AAMDC: variants seen among roughly 807,000 people sequenced by gnomAD.
The protein encoded by AAMDC is adipogenesis associated Mth938 domain containing.
Under a neutral mutation model 15.5 loss-of-function variants are expected in AAMDC, and 16 were observed. The observed-to-expected ratio is 1.03, with a 90% CI of 0.70 to 1.57. The LOEUF is 1.57. AAMDC is among the 40% of genes most tolerant of loss of function. AAMDC has a pLI of 0.00. For synonymous variants in AAMDC, 51 were observed against 51.6 expected (o/e 0.99, Z 0.05); for missense variants, 141 against 144.9 (o/e 0.97, Z 0.14).
At chr11:77,849,193 T>C (rs1039690504) in intron 2 of AAMDC, among the ~76,000 whole-genome samples, 5 of 151,900 alleles carry the variant, frequency 3.3e-5, no homozygotes, top group Admixed American at 3.3e-4. Context: ...ATTGCCTCCA[T>C]ACCTGGCTAA....
At chr11:77,905,882 C>T (rs959569771) in intron 3 of AAMDC, among the ~76,000 whole-genome samples, 1 of 152,088 alleles carries the variant, frequency 6.6e-6, no homozygotes, top group Non-Finnish European at 1.5e-5. Flanking sequence ...ACTGTTAGAC[C>T]CACCCAACTG....
intron 2 of AAMDC, among the ~76,000 whole-genome samples, chr11:77,857,983 C>T (rs1355023009): frequency 6.6e-6 from 1 of 152,074 alleles, no homozygotes; most frequent in African/African-American, 2.4e-5. Flanking sequence ...CGTGAGCCAA[C>T]GTGCCCGGCC....
chr11:77,891,024 G>T (rs763434771), intron 5 of AAMDC, among the ~76,000 whole-genome samples: 1 of 152,144 alleles, frequency 6.6e-6, no homozygotes, highest in Non-Finnish European at 1.5e-5. Flanking sequence ...ATTAGAAAAG[G>T]TCTTATCATT....
rs1313977706 is a variant in AAMDC, at chr11:77,821,181, G to T, written c.-79G>T. ...CAGATCCCGAAGCAGCGCTGGGAGC[G>T]TAAGTGCGGGCAGAGCACTGCGCCG... is the stretch of plus-strand genomic sequence containing the variant. On this transcript the variant is annotated 5_prime_UTR_variant, in exon 1 of 4. Transcript: ENST00000393427. 2 of 359,400 alleles carry T rather than the reference G, an allele frequency of 5.6e-6. No homozygotes were observed. The highest frequency in any genetic ancestry group is 4.4e-5 in the East Asian group (1 of 22,618). 22.3% of individuals were successfully genotyped at this position (359,400 alleles called of 1,614,324 possible). A position where few individuals can be genotyped will look rare whatever the true frequency, so the allele number is the denominator to read the frequency against.
chr11:77,864,515 T>G (rs1034672318), intron 2 of AAMDC, among the ~76,000 whole-genome samples: 1 of 152,296 alleles, frequency 6.6e-6, no homozygotes, highest in South Asian at 2.1e-4. Context: ...GCCTTGCATT[T>G]AGGGTGTATA....
intron 3 of AAMDC, among the ~76,000 whole-genome samples, chr11:77,871,231 GTTCT>G (rs1951417882): frequency 6.6e-6 from 1 of 152,192 alleles, no homozygotes; most frequent in East Asian, 1.9e-4. Flanking sequence ...TTTCACTTGA[GTTCT>G]TTCTGAGGCA....
At chr11:77,889,313 G>A (rs1461766953) in intron 5 of AAMDC, among the ~76,000 whole-genome samples, 2 of 150,194 alleles carry the variant, frequency 1.3e-5, no homozygotes. Context: ...ACCAAACACC[G>A]CATGTTCTCA....
intron 5 of AAMDC, among the ~76,000 whole-genome samples, chr11:77,888,535 C>T (rs1019479835): frequency 9.8e-5 from 15 of 152,322 alleles, no homozygotes; most frequent in Middle Eastern, 3.4e-3. Flanking sequence ...ATGTCTAAAA[C>T]AGCAAAAGCA....
chr11:77,868,124 T>G (rs1951205297), intron 2 of AAMDC, among the ~76,000 whole-genome samples: 1 of 150,348 alleles, frequency 6.7e-6, no homozygotes, highest in South Asian at 2.1e-4. Flanking sequence ...GGCACAATCT[T>G]GGCTCACTGC....
rs370993429 is a variant in AAMDC at position 77,833,441 on chromosome 11, G to A, written c.-18-9038G>A. On this transcript the variant is annotated intron_variant, in intron 1 of 3. Transcript: ENST00000393427. ...ATGTGCAGTTCACAATAGGGTTCACGCATCTATGATCATCTAATGCTGCTG... is the reference window on the plus strand; with the variant it reads ...ATGTGCAGTTCACAATAGGGTTCACACATCTATGATCATCTAATGCTGCTG... Among the ~76,000 whole-genome samples, 97 of 152,226 alleles carry A rather than the reference G, an allele frequency of 6.4e-4. 2 individuals are homozygous for A. The highest frequency in any genetic ancestry group is 2.3e-3 in the African/African-American group (94 of 41,554).
rs563575455 is a variant in AAMDC at position 77,891,951 on chromosome 11, G to A, written c.329-8620G>A. 26 of 1,549,022 alleles carry A rather than the reference G, an allele frequency of 1.7e-5. No individual in the cohort carries two copies. The East Asian group carries it at 5.6e-4, about 34-fold the overall frequency. On this transcript the variant is annotated intron_variant, in intron 5 of 5. Coordinates refer to the AAMDC transcript ENST00000304716. ...AAGTAGGAAGAATGATGAAGTGAGA[G>A]GAGCTTGCAGTTTACGACCAAGATA...
At chr11:77,879,648 A>C (rs1951717174) in intron 5 of AAMDC, among the ~76,000 whole-genome samples, 1 of 152,212 alleles carries the variant, frequency 6.6e-6, no homozygotes, top group Admixed American at 6.5e-5. Context: ...AAAATGTCTG[A>C]AAACATCTCA....
chr11:77,872,527 T>C (rs1343284730), downstream of AAMDC, among the ~76,000 whole-genome samples: 1 of 152,076 alleles, frequency 6.6e-6, no homozygotes, highest in African/African-American at 2.4e-5. Context: ...AATAATATAG[T>C]GAATGAACTG....
At chr11:77,828,505 A>T (rs1460250313) in intron 1 of AAMDC, among the ~76,000 whole-genome samples, 5 of 151,762 alleles carry the variant, frequency 3.3e-5, no homozygotes, top group Admixed American at 3.3e-4. Context: ...ATCTCTACTA[A>T]AAATACAAAA....
chr11:77,853,689 C>T (rs1399237521), intron 2 of AAMDC, among the ~76,000 whole-genome samples: 1 of 152,102 alleles, frequency 6.6e-6, no homozygotes, highest in Non-Finnish European at 1.5e-5. Flanking sequence ...CCCTGTAATC[C>T]CAGCACTTTG....
intron 2 of AAMDC, among the ~76,000 whole-genome samples, chr11:77,844,527 A>AT (rs937234603): frequency 2.6e-5 from 4 of 151,442 alleles, no homozygotes; most frequent in Non-Finnish European, 5.9e-5. Context: ...CACCTGGCTT[A>AT]TTTTTTTTAG....
chr11:77,873,373 T>C (rs1236133760), downstream of AAMDC, among the ~76,000 whole-genome samples: 5 of 152,246 alleles, frequency 3.3e-5, no homozygotes, highest in Admixed American at 6.5e-5. Context: ...CTTATCTTTC[T>C]ATTAATGGGG....
chr11:77,899,550 A>T (rs1279331229), intron 5 of AAMDC, among the ~76,000 whole-genome samples: 1 of 151,392 alleles, frequency 6.6e-6, no homozygotes, highest in Non-Finnish European at 1.5e-5. Context: ...CATGCCTGTA[A>T]TCCCAGCTAC....
intron 1 of AAMDC, among the ~76,000 whole-genome samples, chr11:77,833,434 G>C (rs1051815125): frequency 6.6e-6 from 1 of 152,068 alleles, no homozygotes; most frequent in Non-Finnish European, 1.5e-5. Flanking sequence ...TTCACAATAG[G>C]GTTCACGCAT....
Sources: gnomAD v4.1 joint callset for allele counts (sites outside exome capture counted in the v4.1 genomes callset) on GRCh38, gnomAD v4.1.1 for gene constraint, MANE v1.5 for transcripts, NCBI Gene and HGNC (gene_info 2026-07-23, HGNC 2026-07-21) for gene names.